The following MACROD2 variants were observed in gnomAD, a reference collection of about 807,000 sequenced individuals.
MACROD2 encodes ADP-ribose glycohydrolase MACROD2.
In MACROD2, 36 loss-of-function variants were observed where a neutral mutation model predicts 70.4. The observed-to-expected ratio is 0.51, with a 90% confidence interval of 0.39 to 0.68. The LOEUF is 0.68. MACROD2 is among the 30% of genes least tolerant of loss of function. MACROD2 has a pLI of 0.00. For synonymous variants in MACROD2, 172 were observed against 178.8 expected, an observed-to-expected ratio of 0.96 and a Z score of 0.30; for missense variants, 496 against 538.4, an observed-to-expected ratio of 0.92 and a Z score of 0.78.
chr20:15,519,751 A>AG (rs2047625450), intron 8 of MACROD2, among the ~76,000 whole-genome samples: 1 of 152,210 alleles, frequency 6.6e-6, no homozygotes, highest in African/African-American at 2.4e-5. Context: ...AGAATGAGGT[A>AG]AGAATCTGGT....
At chr20:15,753,992 C>T (rs2051309964) in intron 8 of MACROD2, among the ~76,000 whole-genome samples, 1 of 152,052 alleles carries the variant, frequency 6.6e-6, no homozygotes, top group South Asian at 2.1e-4. Context: ...GATATTTTAG[C>T]ACATCTCTCC....
chr20:15,606,548 G>T (rs1455820831), intron 8 of MACROD2, among the ~76,000 whole-genome samples: 1 of 152,106 alleles, frequency 6.6e-6, no homozygotes, highest in Admixed American at 6.5e-5. Flanking sequence ...TATGGTATTT[G>T]TGTCCCAACG....
At chr20:15,758,804 A>G (rs995885054) in intron 8 of MACROD2, among the ~76,000 whole-genome samples, 2 of 151,754 alleles carry the variant, frequency 1.3e-5, no homozygotes, top group Non-Finnish European at 2.9e-5. Flanking sequence ...CGGCCTCCCA[A>G]AGTGCTGGGA....
intron 8 of MACROD2, among the ~76,000 whole-genome samples, chr20:15,561,131 A>G (rs2048238298): frequency 6.6e-6 from 1 of 151,426 alleles, no homozygotes; most frequent in South Asian, 2.1e-4. Context: ...TTGTAAGAGA[A>G]CGCTACTCAA....
chr20:14,326,087 G>A lies in MACROD2; in HGVS notation c.272-167392G>A. On this transcript the variant is annotated intron_variant, in intron 3 of 17. Coordinates refer to ENST00000684519, the MANE Select transcript of MACROD2 (RefSeq NM_001351661.2). This position sits in a 1 kb window ranked among gnomAD's most constrained non-coding sequence, Gnocchi z 5.5. ...ATGGGAACCATGCATACTTTATAGGGTGAATCAGGCTCCAGGGCTGTGACC... is the reference window on the plus strand; with the variant it reads ...ATGGGAACCATGCATACTTTATAGGATGAATCAGGCTCCAGGGCTGTGACC... The A allele has an allele frequency of 6.2e-7, 1 of 1,613,922 alleles. No individual in the cohort carries two copies. Among genetic ancestry groups the A allele is most frequent in the South Asian group, 1.1e-5 (1 of 91,078 alleles).
chr20:15,080,653 C>A (rs1413701141), intron 5 of MACROD2, among the ~76,000 whole-genome samples: 2 of 152,016 alleles, frequency 1.3e-5, no homozygotes, highest in Non-Finnish European at 2.9e-5. Flanking sequence ...GAATTCAGCT[C>A]CTACCTTTTC....
intron 13 of MACROD2, among the ~76,000 whole-genome samples, chr20:15,983,300 AT>A (rs2066429026): frequency 6.6e-6 from 1 of 152,074 alleles, no homozygotes. Flanking sequence ...ACGATGTCTT[AT>A]TTTTTGTTTT....
intron 5 of MACROD2, among the ~76,000 whole-genome samples, chr20:14,920,866 T>C (rs568701434): frequency 6.6e-6 from 1 of 152,284 alleles, no homozygotes; most frequent in South Asian, 2.1e-4. Flanking sequence ...TTGAGGTTCC[T>C]CCACACATTC....
chr20:15,053,027 C>G (rs561380535), intron 5 of MACROD2, among the ~76,000 whole-genome samples: 24 of 152,300 alleles, frequency 1.6e-4, no homozygotes, highest in African/African-American at 5.8e-4. Context: ...GAGCAACGCC[C>G]TAACTCTCTT....
intron 5 of MACROD2, among the ~76,000 whole-genome samples, chr20:14,721,661 T>G (rs1056214478): frequency 2.0e-5 from 3 of 152,164 alleles, no homozygotes; most frequent in African/African-American, 7.2e-5. Context: ...TCTTCATAGG[T>G]TTCTTCTGTA....
At chr20:14,625,336 G>T (rs1984081643) in intron 4 of MACROD2, among the ~76,000 whole-genome samples, 1 of 151,328 alleles carries the variant, frequency 6.6e-6, no homozygotes, top group South Asian at 2.1e-4. Context: ...TCAAAAAAAA[G>T]AAGAAAAAAA....
intron 4 of MACROD2, among the ~76,000 whole-genome samples, chr20:14,617,209 C>A (rs1036828691): frequency 6.6e-6 from 1 of 152,142 alleles, no homozygotes; most frequent in African/African-American, 2.4e-5. Flanking sequence ...TTGTTTCTCT[C>A]TTTCTCGCTT....
At chr20:15,914,400 C>G (rs985740639) in intron 10 of MACROD2, among the ~76,000 whole-genome samples, 1 of 152,170 alleles carries the variant, frequency 6.6e-6, no homozygotes, top group African/African-American at 2.4e-5. Context: ...GGACATGAAC[C>G]TAAGGCAGTT....
At chr20:14,192,278 G>A (rs1223647641) in intron 3 of MACROD2, among the ~76,000 whole-genome samples, 1 of 151,884 alleles carries the variant, frequency 6.6e-6, no homozygotes, top group Non-Finnish European at 1.5e-5. Context: ...ACCTTCTTGA[G>A]GCTCAGTTTT....
intron 3 of MACROD2, among the ~76,000 whole-genome samples, chr20:14,256,493 A>G (rs2082057496): frequency 1.3e-5 from 2 of 152,122 alleles, no homozygotes; most frequent in South Asian, 4.1e-4. Context: ...TGAGGCTCTG[A>G]AACATGTTAT....
chr20:15,771,352 TA>T (rs139462245), intron 8 of MACROD2, among the ~76,000 whole-genome samples: 19,012 of 148,470 alleles, frequency 0.13, 1,434 homozygotes, highest in Middle Eastern at 0.27. Context: ...TTATTATTAT[TA>T]TTTTTTTTTT....
chr20:14,483,008 GCTTCTTT>G (rs2084680416), intron 3 of MACROD2, among the ~76,000 whole-genome samples: 1 of 152,166 alleles, frequency 6.6e-6, no homozygotes, highest in South Asian at 2.1e-4. Context: ...TACTTCATTA[GCTTCTTT>G]GGGGGACTGA....
rs80122299 is a variant in MACROD2 at position 15,752,847 on chromosome 20, T to C, written c.646-109898T>C. 8.6e-3 allele frequency among the ~76,000 whole-genome samples: 1,302 copies of C among 152,212 alleles called. 16 individuals carry two copies. Among genetic ancestry groups the C allele is most frequent in the African/African-American group, 0.03 (1,236 of 41,530 alleles). Reference sequence around the variant, plus strand: ...CTGTGTGCACATTGGACCCTTCCAATGTGCTGAGCCGGTCTTAGAGATGAG... The same window carrying C: ...CTGTGTGCACATTGGACCCTTCCAACGTGCTGAGCCGGTCTTAGAGATGAG... On this transcript the variant is annotated intron_variant, in intron 8 of 17. Coordinates refer to ENST00000684519, the MANE Select transcript of MACROD2 (RefSeq NM_001351661.2).
intron 5 of MACROD2, among the ~76,000 whole-genome samples, chr20:14,787,580 T>C (rs751335826): frequency 2.0e-5 from 3 of 152,102 alleles, no homozygotes; most frequent in Non-Finnish European, 4.4e-5. Flanking sequence ...TTTATCTTCC[T>C]ATGTATCCAG....
Sources: allele counts gnomAD v4.1 joint callset (sites outside exome capture counted in the v4.1 genomes callset), GRCh38; gene constraint gnomAD v4.1.1; non-coding constraint Gnocchi (gnomAD v3.1); transcripts MANE v1.5; gene names NCBI Gene and HGNC (gene_info 2026-07-23, HGNC 2026-07-21).